The following ANGPT1 variants were observed in gnomAD, a reference collection of about 807,000 sequenced individuals.
ANGPT1 encodes angiopoietin 1.
A neutral mutation model predicts 62.2 loss-of-function variants in ANGPT1; 17 were observed. The observed-to-expected ratio is 0.27, with a 90% CI of 0.19 to 0.41. The LOEUF (loss-of-function observed/expected upper bound fraction) is 0.41. Ranked by LOEUF, ANGPT1 falls within the 10% of genes least tolerant of loss-of-function variation. The pLI is 1.00. For synonymous variants in ANGPT1, 199 were observed against 198.9 expected, an observed-to-expected ratio of 1.00 and a Z score of 0.00; for missense variants, 478 against 594.9, an observed-to-expected ratio of 0.80 and a Z score of 2.04.
intron 1 of ANGPT1, among the ~76,000 whole-genome samples, chr8:107,479,501 T>C (rs527545916): frequency 7.9e-5 from 12 of 152,172 alleles, no homozygotes; most frequent in Non-Finnish European, 1.8e-4. Flanking sequence ...GGGGAAAATC[T>C]GGGATAGATT....
chr8:107,362,051 G>A (rs1283657), intron 1 of ANGPT1, among the ~76,000 whole-genome samples: 55,864 of 152,004 alleles, frequency 0.37, 11,251 homozygotes, highest in Non-Finnish European at 0.45. Flanking sequence ...GCGAGATTCC[G>A]TCTCAAAATA....
intron 1 of ANGPT1, among the ~76,000 whole-genome samples, chr8:107,420,188 C>T (rs543585025): frequency 6.6e-6 from 1 of 152,210 alleles, no homozygotes; most frequent in African/African-American, 2.4e-5. Context: ...AACCTGAAAA[C>T]TATTTGTATC....
chr8:107,433,987 C>T (rs1026551635), intron 1 of ANGPT1, among the ~76,000 whole-genome samples: 3 of 152,154 alleles, frequency 2.0e-5, no homozygotes, highest in African/African-American at 4.8e-5. Flanking sequence ...ATATCATAGT[C>T]CTTATCTTTC....
intron 1 of ANGPT1, among the ~76,000 whole-genome samples, chr8:107,422,265 T>C (rs1810913217): frequency 6.6e-6 from 1 of 152,148 alleles, no homozygotes; most frequent in African/African-American, 2.4e-5. Flanking sequence ...TTTAAACTTG[T>C]CGGCAACCTG....
chr8:107,293,799 T>C (rs1050285773), intron 6 of ANGPT1, 137 bp downstream of exon 6: 2 of 620,338 alleles, frequency 3.2e-6, no homozygotes, highest in Middle Eastern at 2.7e-4. Context: ...TTGTGTCTAA[T>C]GAAAATAATA....
chr8:107,267,678 T>C (rs1022028955), intron 7 of ANGPT1, among the ~76,000 whole-genome samples: 3 of 152,084 alleles, frequency 2.0e-5, no homozygotes, highest in Non-Finnish European at 2.9e-5. Context: ...CTGGTTAAAG[T>C]TGCTCGGTTG....
intron 7 of ANGPT1, among the ~76,000 whole-genome samples, chr8:107,280,754 T>C (rs1367324644): frequency 6.6e-6 from 1 of 152,164 alleles, no homozygotes; most frequent in African/African-American, 2.4e-5. Context: ...ACGAAGAGTC[T>C]TAGTGGTAGA....
intron 1 of ANGPT1, among the ~76,000 whole-genome samples, chr8:107,414,568 G>T (rs889193118): frequency 1.3e-5 from 2 of 152,086 alleles, no homozygotes; most frequent in African/African-American, 4.8e-5. Context: ...TTACAAGGTA[G>T]CCATCAGCCC....
At chr8:107,364,301 G>T (rs1816228391) in intron 1 of ANGPT1, among the ~76,000 whole-genome samples, 1 of 152,016 alleles carries the variant, frequency 6.6e-6, no homozygotes, top group South Asian at 2.1e-4. Flanking sequence ...GATTTTTTGA[G>T]ACAGCGCCTC....
chr8:107,280,800 T>C (rs1363469115), intron 7 of ANGPT1, among the ~76,000 whole-genome samples: 2 of 152,058 alleles, frequency 1.3e-5, no homozygotes, highest in Admixed American at 6.5e-5. Context: ...TGTTGAAATA[T>C]ATGAAGGAGG....
At chr8:107,261,474 G>A (rs1012870720) in intron 8 of ANGPT1, among the ~76,000 whole-genome samples, 1 of 152,080 alleles carries the variant, frequency 6.6e-6, no homozygotes. Context: ...GGGAGGCCGA[G>A]GCGGTCGGAT....
At chr8:107,299,422 A>ATAT (rs1281291162) in intron 5 of ANGPT1, among the ~76,000 whole-genome samples, 2 of 116,146 alleles carry the variant, frequency 1.7e-5, no homozygotes, top group Admixed American at 8.8e-5. Context: ...TATATATATA[A>ATAT]ACATACATAT....
chr8:107,426,582 CTCT>C (rs1226555584), intron 1 of ANGPT1, among the ~76,000 whole-genome samples: 1 of 152,198 alleles, frequency 6.6e-6, no homozygotes, highest in Non-Finnish European at 1.5e-5. Flanking sequence ...CCCCCCTCTA[CTCT>C]TCTTCCTCCT....
chr8:107,427,055 A>AC (rs1361151632), intron 1 of ANGPT1, among the ~76,000 whole-genome samples: 2 of 152,250 alleles, frequency 1.3e-5, no homozygotes, highest in Non-Finnish European at 2.9e-5. Context: ...ATTCTAACAT[A>AC]GAAAAAGAAT....
intron 1 of ANGPT1, among the ~76,000 whole-genome samples, chr8:107,456,242 C>T (rs1045827537): frequency 1.3e-5 from 2 of 152,136 alleles, no homozygotes; most frequent in Middle Eastern, 3.4e-3. Flanking sequence ...TAGTTTTCTG[C>T]GAACTTGGAC....
chr8:107,315,691 T>A (rs562776240), intron 4 of ANGPT1, among the ~76,000 whole-genome samples: 14 of 152,136 alleles, frequency 9.2e-5, no homozygotes, highest in Non-Finnish European at 1.8e-4. Context: ...CTGTCTTTGA[T>A]TTTACACTGT....
intron 1 of ANGPT1, among the ~76,000 whole-genome samples, chr8:107,423,418 A>G (rs1810945443): frequency 6.6e-6 from 1 of 152,118 alleles, no homozygotes; most frequent in African/African-American, 2.4e-5. Flanking sequence ...CCCCTTCCAC[A>G]TCAGACAGCT....
intron 1 of ANGPT1, among the ~76,000 whole-genome samples, chr8:107,404,713 C>G (rs1817113733): frequency 6.6e-6 from 1 of 152,070 alleles, no homozygotes; most frequent in Non-Finnish European, 1.5e-5. Context: ...TCTGTCCTAG[C>G]TGTGAAATTG....
intron 1 of ANGPT1, among the ~76,000 whole-genome samples, chr8:107,434,027 T>C (rs1811271172): frequency 6.6e-6 from 1 of 152,210 alleles, no homozygotes; most frequent in Non-Finnish European, 1.5e-5. Context: ...AGTTTCAAAA[T>C]ATCATACTCA....
Sources: allele counts gnomAD v4.1 joint callset (sites outside exome capture counted in the v4.1 genomes callset), GRCh38; gene constraint gnomAD v4.1.1; transcripts MANE v1.5; gene names NCBI Gene and HGNC (gene_info 2026-07-23, HGNC 2026-07-21).